The following PRKDC variants were observed in gnomAD, a reference collection of about 807,000 sequenced individuals.
PRKDC encodes protein kinase, DNA-activated, catalytic subunit.
Under a neutral mutation model 486.9 loss-of-function variants are expected in PRKDC, and 82 were observed. That is an observed-to-expected ratio of 0.17 (90% CI 0.14 to 0.20). The LOEUF (loss-of-function observed/expected upper bound fraction) is 0.20, where lower values mean the gene tolerates loss of function less well. Among genes scored for constraint, PRKDC ranks in the 10% least tolerant of loss-of-function variants. The probability of loss-of-function intolerance (pLI) is 1.00; values close to 1 mark genes in which losing one functional copy is unlikely to be tolerated. For missense variants in PRKDC, 4,504 were observed against 5,038.2 expected, an observed-to-expected ratio of 0.89 and a Z score of 3.21; for synonymous variants, 1,895 against 1,837.0, an observed-to-expected ratio of 1.03 and a Z score of -0.81.
At chr8:47,809,103 TGCAGGGGAGTAGAGGGGAAGGGAGG>T (rs2087273837) in intron 68 of PRKDC, among the ~76,000 whole-genome samples, 1 of 41,730 alleles carries the variant, frequency 2.4e-5, no homozygotes, top group Non-Finnish European at 4.5e-5. Context: ...GGGAGGGGAG[TGCAGGGGAGTAGAGGGGAAGGGAGG>T]GTATGGGAGG....
chr8:47,959,239 G>A (rs908904773), intron 1 of PRKDC: 6 of 152,140 alleles, frequency 3.9e-5, no homozygotes, highest in African/African-American at 1.4e-4. Context: ...CTACAAAGGG[G>A]AAAAAGTTCC....
rs1441959490 is a variant in PRKDC at position 47,803,300 on chromosome 8, A to G, written c.9922+6T>C. 1.2e-6 allele frequency: 2 copies of G among 1,602,796 alleles called. No homozygotes were observed. The highest frequency in any genetic ancestry group is 3.5e-5 in the Admixed American group (2 of 57,440). ...AGATATAAGTGGATAAAAGCGGTCA[A>G]CTTACCCAACAAAGAGACTGTTTTC... On this transcript the variant is annotated splice_donor_region_variant and intron_variant, in intron 70 of 85. Coordinates refer to ENST00000314191, the MANE Select transcript of PRKDC (RefSeq NM_006904.7).
intron 25 of PRKDC, among the ~76,000 whole-genome samples, chr8:47,907,884 T>TA (rs1190620927): frequency 1.3e-5 from 2 of 152,184 alleles, no homozygotes; most frequent in Non-Finnish European, 2.9e-5. Context: ...GGTTTCTTCT[T>TA]AGAGTACTTT....
At chr8:47,787,354 G>A (rs1247782615) in intron 76 of PRKDC, among the ~76,000 whole-genome samples, 2 of 152,184 alleles carry the variant, frequency 1.3e-5, no homozygotes, top group East Asian at 3.8e-4. Flanking sequence ...GTAAGTGGAT[G>A]AAAAATGTAG....
intron 64 of PRKDC, among the ~76,000 whole-genome samples, chr8:47,822,679 A>G (rs1441988385): frequency 6.6e-6 from 1 of 152,086 alleles, no homozygotes; most frequent in African/African-American, 2.4e-5. Context: ...AGTCCCAGCT[A>G]CTCGGGAGGC....
chr8:47,923,677 T>C (rs1470200621), intron 21 of PRKDC, among the ~76,000 whole-genome samples: 1 of 152,230 alleles, frequency 6.6e-6, no homozygotes, highest in Admixed American at 6.5e-5. Flanking sequence ...AGTGCCATGC[T>C]GGCTGTGAAG....
At chr8:47,941,005 C>T (rs1371224375) in intron 10 of PRKDC, among the ~76,000 whole-genome samples, 3 of 151,966 alleles carry the variant, frequency 2.0e-5, no homozygotes, top group Admixed American at 2.0e-4. Flanking sequence ...TGGCAGGTGC[C>T]TATAATCCCA....
At chr8:47,850,324 T>C (rs981616719) in intron 52 of PRKDC, among the ~76,000 whole-genome samples, 1 of 152,176 alleles carries the variant, frequency 6.6e-6, no homozygotes, top group African/African-American at 2.4e-5. Context: ...GCCTCAAATC[T>C]GAAAATCCAG....
chr8:47,794,540 T>G, intron 73 of PRKDC, 39 bp from the exon 74 acceptor site: 2 of 1,449,098 alleles, frequency 1.4e-6, no homozygotes, highest in Non-Finnish European at 1.9e-6. Context: ...GAGTAAAACA[T>G]CTCACATCAT....
intron 25 of PRKDC, among the ~76,000 whole-genome samples, chr8:47,906,803 T>C (rs1045158593): frequency 2.0e-5 from 3 of 151,350 alleles, no homozygotes; most frequent in South Asian, 2.1e-4. Flanking sequence ...TAGAGGTCCA[T>C]ACTGTAGTTA....
At chr8:47,776,750 G>T in intron 85 of PRKDC, 94 bp downstream of exon 85, 1 of 1,464,220 alleles carries the variant, frequency 6.8e-7, no homozygotes. Flanking sequence ...CTAACAGAGT[G>T]TCAAGAGCTC....
rs992305004 is a variant in PRKDC, at chr8:47,823,947, T to C, written c.8833A>G (p.Ser2945Gly). ...GTGATTTGCTTTGTTCCTATCTCAC[T>C]GGTAAAAATCCCACGGAGGACGTCG... ...EYDVLRGIFTSEIGTKQITQS... is the reference protein window; with the variant it reads ...EYDVLRGIFTGEIGTKQITQS... The change falls in exon 64 of 86, where the codon AGT becomes GGT. Residue 2945 changes from serine (S) to glycine (G), a missense_variant. Coordinates refer to ENST00000314191, the MANE Select transcript of PRKDC (RefSeq NM_006904.7). 4.3e-6 allele frequency: 7 copies of C among 1,613,520 alleles called. No homozygotes were observed. In the Admixed American group the frequency reaches 5.0e-5, roughly 12 times the overall value.
At chr8:47,901,703 G>A (rs774221563) in intron 27 of PRKDC, among the ~76,000 whole-genome samples, 15 of 152,080 alleles carry the variant, frequency 9.9e-5, no homozygotes, top group Non-Finnish European at 1.8e-4. Flanking sequence ...CCCTCACGAA[G>A]GGCTGTATCG....
chr8:47,781,138 G>GT (rs2086692191), intron 80 of PRKDC, among the ~76,000 whole-genome samples: 1 of 152,168 alleles, frequency 6.6e-6, no homozygotes. Flanking sequence ...ATGCAGGCAG[G>GT]TACCACAGGA....
chr8:47,860,803 T>C, intron 45 of PRKDC, 96 bp downstream of exon 45: 1 of 920,438 alleles, frequency 1.1e-6, no homozygotes, highest in Non-Finnish European at 1.6e-6. Flanking sequence ...TCTATTTACA[T>C]AAAAAATACT....
intron 26 of PRKDC, among the ~76,000 whole-genome samples, chr8:47,903,190 G>A (rs992231871): frequency 6.6e-6 from 1 of 152,088 alleles, no homozygotes; most frequent in African/African-American, 2.4e-5. Flanking sequence ...GCATATTGAA[G>A]TCAAAGAGAA....
chr8:47,788,929 C>G lies in PRKDC; in HGVS notation c.10879G>C (p.Ala3627Pro). ...LGDPKAPGLGAFRRKFIQTFG... is the reference protein window; with the variant it reads ...LGDPKAPGLGPFRRKFIQTFG... Reference sequence around the variant, plus strand: ...ACCTGAATAAACTTCCTTCTAAAGGCCCCCAGGCCTGGAGCCTTTGGGTCA... The same window carrying G: ...ACCTGAATAAACTTCCTTCTAAAGGGCCCCAGGCCTGGAGCCTTTGGGTCA... The change falls in exon 76 of 86, where the codon GCC becomes CCC. Residue 3627 changes from alanine to proline, a missense_variant. Ala to Pro is a conservative substitution (Grantham distance 27). Around this residue, in one of 6 missense-constraint regions of PRKDC, gnomAD observed 706 missense variants for 945.0 expected, o/e 0.75. Coordinates refer to ENST00000314191, the MANE Select transcript of PRKDC (RefSeq NM_006904.7). 6.2e-7 allele frequency: 1 copy of G among 1,600,790 alleles called. No homozygotes were observed. Among genetic ancestry groups the G allele is most frequent in the Non-Finnish European group, 8.5e-7 (1 of 1,175,984 alleles).
chr8:47,879,280 C>T (rs2089156107), intron 39 of PRKDC, among the ~76,000 whole-genome samples: 2 of 152,166 alleles, frequency 1.3e-5, no homozygotes, highest in South Asian at 2.1e-4. Context: ...GGACATGGTG[C>T]TGATTCAGTA....
intron 23 of PRKDC, among the ~76,000 whole-genome samples, chr8:47,914,837 A>G (rs1356030528): frequency 6.6e-6 from 1 of 151,788 alleles, no homozygotes; most frequent in Non-Finnish European, 1.5e-5. Context: ...AAAATAATAG[A>G]GACAGCTTCT....
Sources: gnomAD v4.1 joint callset for allele counts (sites outside exome capture counted in the v4.1 genomes callset) on GRCh38, gnomAD v4.1.1 for gene constraint, gnomAD v4.1.1 regional missense constraint, MANE v1.5 for transcripts, NCBI Gene and HGNC (gene_info 2026-07-23, HGNC 2026-07-21) for gene names.